The following THADA variants were observed in gnomAD, a reference collection of about 807,000 sequenced individuals.
THADA encodes tRNA (32-2'-O)-methyltransferase regulator THADA.
Under a neutral mutation model 219.8 loss-of-function variants are expected in THADA, and 213 were observed. The observed-to-expected ratio is 0.97, with a 90% CI of 0.87 to 1.09. The LOEUF (loss-of-function observed/expected upper bound fraction) is 1.09, where lower values mean the gene tolerates loss of function less well. Among genes scored for constraint, THADA ranks in the 50% least tolerant of loss-of-function variants. The pLI, the probability that THADA is intolerant of heterozygous loss-of-function variation, is 0.00. For synonymous variants in THADA, 1,018 were observed against 828.9 expected, an observed-to-expected ratio of 1.23 and a Z score of -3.92; for missense variants, 2,956 against 2,311.3, an observed-to-expected ratio of 1.28 and a Z score of -5.72.
intron 36 of THADA, among the ~76,000 whole-genome samples, chr2:43,253,398 A>T (rs1196441012): frequency 1.3e-5 from 2 of 152,152 alleles, no homozygotes; most frequent in African/African-American, 4.8e-5. Context: ...CCTACCTCCT[A>T]CTTACTTCTA....
At chr2:43,500,058 A>G (rs1688746853) in intron 24 of THADA, among the ~76,000 whole-genome samples, 1 of 152,136 alleles carries the variant, frequency 6.6e-6, no homozygotes, top group African/African-American at 2.4e-5. Flanking sequence ...ATAAGGCACA[A>G]ATAAAAAATA....
chr2:43,432,739 A>G (rs933631851), intron 26 of THADA, among the ~76,000 whole-genome samples: 1 of 152,110 alleles, frequency 6.6e-6, no homozygotes, highest in East Asian at 1.9e-4. Context: ...GCAACAGTGT[A>G]TCTCCCATGA....
At chr2:43,460,027 C>A (rs1316294791) in intron 26 of THADA, among the ~76,000 whole-genome samples, 2 of 151,966 alleles carry the variant, frequency 1.3e-5, no homozygotes, top group East Asian at 3.9e-4. Flanking sequence ...AGTTCAGACA[C>A]AAGGATGTTG....
intron 26 of THADA, 148 bp downstream of exon 26, chr2:43,485,086 G>C (rs1686743110): frequency 1.9e-6 from 1 of 538,640 alleles, no homozygotes; most frequent in African/African-American, 2.0e-5. Flanking sequence ...TTTATAACTT[G>C]GCAGCATAGG....
At chr2:43,307,846 A>G (rs374861185) in intron 31 of THADA, among the ~76,000 whole-genome samples, 21 of 152,364 alleles carry the variant, frequency 1.4e-4, no homozygotes, top group African/African-American at 5.0e-4. Context: ...CATAACCAGG[A>G]GAAAAAAAAT....
chr2:43,303,729 G>T (rs1232665902), intron 31 of THADA, among the ~76,000 whole-genome samples: 1 of 132,556 alleles, frequency 7.5e-6, no homozygotes, highest in Non-Finnish European at 1.6e-5. Flanking sequence ...AACTTTAGGT[G>T]GGGCCGGGGG....
intron 29 of THADA, among the ~76,000 whole-genome samples, chr2:43,373,072 A>T (rs998396801): frequency 6.6e-6 from 1 of 152,204 alleles, no homozygotes; most frequent in Non-Finnish European, 1.5e-5. Context: ...GAAAACAAAG[A>T]GGAAAAAAAG....
chr2:43,448,677 TAGA>T (rs1681905300), intron 26 of THADA, among the ~76,000 whole-genome samples: 1 of 151,134 alleles, frequency 6.6e-6, no homozygotes, highest in Non-Finnish European at 1.5e-5. Flanking sequence ...CAGGGGAATG[TAGA>T]AGGTTACCAC....
intron 26 of THADA, among the ~76,000 whole-genome samples, chr2:43,470,697 C>T (rs1684809560): frequency 6.6e-6 from 1 of 152,054 alleles, no homozygotes; most frequent in Non-Finnish European, 1.5e-5. Flanking sequence ...TTCATATTCT[C>T]CATTATTTTA....
At position 43,546,929 on chromosome 2, in the gene THADA, T is replaced by G. The variant is rs544915456; in HGVS notation, c.3106+2281A>C. 3.8e-3 allele frequency among the ~76,000 whole-genome samples: 576 copies of G among 152,168 alleles called. 6 individuals are homozygous for G. Among genetic ancestry groups the G allele is most frequent in the African/African-American group, 0.012 (506 of 41,498 alleles). ...TCCTGTCATTATGATGTTAGCTGGT[T>G]ATTTTGCTCGTTAGTTGATGCAGTT... On this transcript the variant is annotated intron_variant, in intron 20 of 37. Transcript: ENST00000405975.
intron 34 of THADA, among the ~76,000 whole-genome samples, chr2:43,289,749 T>G (rs1202002986): frequency 6.6e-6 from 1 of 152,034 alleles, no homozygotes; most frequent in Non-Finnish European, 1.5e-5. Context: ...CCTCCTGGGT[T>G]CAAGCGATCC....
At chr2:43,570,145 A>G (rs1699129998) in intron 14 of THADA, among the ~76,000 whole-genome samples, 1 of 152,174 alleles carries the variant, frequency 6.6e-6, no homozygotes, top group Non-Finnish European at 1.5e-5. Flanking sequence ...CATAAGCTGA[A>G]AGTGATTGAG....
chr2:43,462,300 A>C (rs1405830615), intron 26 of THADA, among the ~76,000 whole-genome samples: 1 of 152,200 alleles, frequency 6.6e-6, no homozygotes, highest in Non-Finnish European at 1.5e-5. Context: ...ACAAAAGGGG[A>C]AGGCGCTGAC....
chr2:43,424,333 C>A (rs1678130717), intron 28 of THADA, among the ~76,000 whole-genome samples: 1 of 152,160 alleles, frequency 6.6e-6, no homozygotes, highest in Admixed American at 6.5e-5. Context: ...TCAGAGCAAC[C>A]TTTGCACTAC....
chr2:43,350,025 A>AT (rs1184507877), intron 29 of THADA, among the ~76,000 whole-genome samples: 1 of 152,142 alleles, frequency 6.6e-6, no homozygotes, highest in Non-Finnish European at 1.5e-5. Flanking sequence ...AAACATCTGT[A>AT]TTTTTTCAGG....
chr2:43,449,021 A>G (rs768991537), intron 26 of THADA, among the ~76,000 whole-genome samples: 9 of 152,186 alleles, frequency 5.9e-5, no homozygotes, highest in Non-Finnish European at 1.2e-4. Context: ...GTAGAGACAA[A>G]GGCTTTAAAA....
Position 43,566,808 on chromosome 2 carries a change from G to T in THADA, c.2201C>A (p.Ser734Tyr). ...SLQQYKNFMS[S>Y]ICNSLFEALF... is the part of the protein sequence containing the mutation. ...TGCTTCAAAAAGACTGTTACAAATG[G>T]ATGACATGAAATTCTTAAAAAAAAA... is the stretch of plus-strand genomic sequence containing the variant. The change falls in exon 15 of 38, where the codon TCC becomes TAC. Residue 734 changes from serine to tyrosine, a missense_variant. Transcript: ENST00000405975. 1 of 1,443,854 alleles carries T rather than the reference G, an allele frequency of 6.9e-7. No homozygotes were observed. The highest frequency in any genetic ancestry group is 3.0e-5 in the Admixed American group (1 of 33,334). The allele number at this position is 1,443,854 out of a possible 1,614,324, so 89.4% of individuals were successfully genotyped here. A position where few individuals can be genotyped will look rare whatever the true frequency, so the allele number is the denominator to read the frequency against.
chr2:43,243,976 C>A, intron 36 of THADA, among the ~76,000 whole-genome samples: 1 of 152,132 alleles, frequency 6.6e-6, no homozygotes, highest in East Asian at 1.9e-4. Flanking sequence ...AATACCCTAG[C>A]AAATCCTTTG....
intron 26 of THADA, among the ~76,000 whole-genome samples, chr2:43,438,831 A>C (rs1019873018): frequency 6.6e-6 from 1 of 152,180 alleles, no homozygotes; most frequent in African/African-American, 2.4e-5. Flanking sequence ...TAATTTATAA[A>C]TTAGGCAAAG....
Sources: allele counts gnomAD v4.1 joint callset (sites outside exome capture counted in the v4.1 genomes callset), GRCh38; gene constraint gnomAD v4.1.1; transcripts MANE v1.5; gene names NCBI Gene and HGNC (gene_info 2026-07-23, HGNC 2026-07-21).